The following NAPA variants were observed in gnomAD, a reference collection of about 807,000 sequenced individuals.
NAPA encodes the protein NSF attachment protein alpha, also known as alpha-soluble NSF attachment protein.
A neutral mutation model predicts 48.0 loss-of-function variants in NAPA; 18 were observed. That is an observed-to-expected ratio of 0.38 (90% CI 0.26 to 0.56). The LOEUF (loss-of-function observed/expected upper bound fraction) is 0.56. Among genes scored for constraint, NAPA ranks in the 20% least tolerant of loss-of-function variants. NAPA has a pLI of 0.77. For synonymous variants in NAPA, 152 were observed against 149.9 expected (o/e 1.01, Z -0.10); for missense variants, 315 against 385.0 (o/e 0.82, Z 1.52).
At chr19:47,486,925 A>T (rs1304704680), downstream of NAPA, among the ~76,000 whole-genome samples, 4 of 152,108 alleles carry the variant, frequency 2.6e-5, no homozygotes, top group African/African-American at 9.7e-5. Context: ...CCTCTGTGCA[A>T]TTACTGCCCC....
downstream of NAPA, among the ~76,000 whole-genome samples, chr19:47,484,676 A>G (rs549371618): frequency 6.6e-6 from 1 of 151,958 alleles, no homozygotes. Flanking sequence ...TCAGTACTGG[A>G]AACCAAACAA....
chr19:47,499,271 C>T (rs536731819), intron 3 of NAPA, among the ~76,000 whole-genome samples: 10 of 152,240 alleles, frequency 6.6e-5, no homozygotes, highest in Admixed American at 2.0e-4. Flanking sequence ...GGCAGCCTGG[C>T]GCTCAGTGTT....
intron 3 of NAPA, chr19:47,497,159 G>A (rs1011854532): frequency 5.6e-5 from 12 of 215,714 alleles, no homozygotes; most frequent in African/African-American, 2.3e-4. Context: ...GCCTTGCCCC[G>A]CCCCACCTGG....
In NAPA at chr19:47,493,789, G is replaced by C; in HGVS notation, c.343-296C>G. On this transcript the variant is annotated intron_variant, in intron 4 of 10. Transcript: ENST00000263354. This position sits in a 1 kb window ranked among gnomAD's most constrained non-coding sequence, Gnocchi z 6.4. ...AGGGCACAGATGGTGTGACACCAGAGAGAATGTGAGCACGAGCACTTGGCC... is the reference window on the plus strand; with the variant it reads ...AGGGCACAGATGGTGTGACACCAGACAGAATGTGAGCACGAGCACTTGGCC... 2.3e-6 allele frequency: 1 copy of C among 432,080 alleles called. No homozygotes were observed. Among genetic ancestry groups the C allele is most frequent in the Non-Finnish European group, 4.3e-6 (1 of 233,772 alleles). 26.8% of individuals were successfully genotyped at this position (432,080 alleles called of 1,614,324 possible).
Position 47,514,960 on chromosome 19 carries a change from A to T in NAPA, c.-20T>A. The T allele has an allele frequency of 1.2e-6, 2 of 1,612,156 alleles. No homozygotes were observed. Among genetic ancestry groups the T allele is most frequent in the Non-Finnish European group, 1.7e-6 (2 of 1,178,864 alleles). ...GTCCATGGCGGCCACAAAGGGACTCAGCAAAGCGCCTGACCCTGACCCTGG... is the reference window on the plus strand; with the variant it reads ...GTCCATGGCGGCCACAAAGGGACTCTGCAAAGCGCCTGACCCTGACCCTGG... On this transcript the variant is annotated 5_prime_UTR_variant, in exon 1 of 11. Coordinates refer to ENST00000263354, the MANE Select transcript of NAPA (RefSeq NM_003827.4).
At chr19:47,490,310 TGTGTGTGTA>T (rs1321591925) in intron 9 of NAPA, among the ~76,000 whole-genome samples, 4 of 114,086 alleles carry the variant, frequency 3.5e-5, no homozygotes, top group Non-Finnish European at 7.6e-5. Flanking sequence ...GGGTGTGTCG[TGTGTGTGTA>T]GTGTGTGTGC....
At chr19:47,499,560 G>A (rs963862545) in intron 3 of NAPA, among the ~76,000 whole-genome samples, 3 of 152,226 alleles carry the variant, frequency 2.0e-5, no homozygotes, top group Non-Finnish European at 4.4e-5. Flanking sequence ...GCTGCTCCTC[G>A]GCCTCTTGCC....
chr19:47,500,044 C>T (rs1968532666), intron 3 of NAPA, among the ~76,000 whole-genome samples: 1 of 152,192 alleles, frequency 6.6e-6, no homozygotes, highest in Non-Finnish European at 1.5e-5. Context: ...GGGAGGCACC[C>T]AGGGGGACAA....
At position 47,489,955 on chromosome 19, in the gene NAPA, G is replaced by C. The variant is rs563230197; in HGVS notation, c.736-194C>G. Among the ~76,000 whole-genome samples, 59 of 152,276 alleles carry C rather than the reference G, an allele frequency of 3.9e-4. 1 individual carries two copies. The South Asian group carries it at 9.3e-3, about 24-fold the overall frequency. The stretch of plus-strand genomic sequence containing the variant: ...TGCGATCCTGCTGCCCTATTCATCA[G>C]AAACGGCTTGCTCTCAGGGCAACCT... On this transcript the variant is annotated intron_variant, in intron 9 of 10. Coordinates refer to ENST00000263354, the MANE Select transcript of NAPA (RefSeq NM_003827.4).
At chr19:47,489,445 G>T in intron 10 of NAPA, 3 of 535,066 alleles carry the variant, frequency 5.6e-6, no homozygotes, top group African/African-American at 1.9e-5. Context: ...ATGTGGCTCT[G>T]AACACCAGCT....
chr19:47,515,022 C>G lies in NAPA; in HGVS notation c.-82G>C, dbSNP rs889208396. 2.4e-5 allele frequency: 33 copies of G among 1,380,922 alleles called. No homozygotes were observed. Among genetic ancestry groups the G allele is most frequent in the South Asian group, 9.9e-5 (8 of 81,216 alleles). The allele number at this position is 1,380,922 out of a possible 1,614,324, so 85.5% of individuals were successfully genotyped here. ...CGCGGCCGGGCCGCGGAACACAGAT[C>G]GGTAAAACTCGCCCGGCTGCGTTGA... On this transcript the variant is annotated 5_prime_UTR_variant, in exon 1 of 11. Transcript: ENST00000263354.
chr19:47,490,656 A>AAAACG lies in NAPA; in HGVS notation c.735+131_735+132insCGTTT, dbSNP rs1435035849. ...GGAGACTCAAATGGCCAAACAAAAC[A>AAAACG]AAACAAAACAAAACAAAACAAAGAC... On this transcript the variant is annotated intron_variant, in intron 9 of 10. Transcript: ENST00000263354. The AAAACG allele has an allele frequency of 2.0e-4, 151 of 750,852 alleles. No homozygotes were observed. The African/African-American group carries it at 2.3e-3, about 11-fold the overall frequency. 46.5% of individuals were successfully genotyped at this position (750,852 alleles called of 1,614,324 possible).
At chr19:47,490,084 G>A (rs1489072387) in intron 9 of NAPA, among the ~76,000 whole-genome samples, 1 of 148,230 alleles carries the variant, frequency 6.7e-6, no homozygotes, top group Non-Finnish European at 1.5e-5. Context: ...TGGTGTGTGT[G>A]TTGGGGTGTG....
chr19:47,490,892 C>T (rs1163016089), intron 8 of NAPA, 36 bp from the exon 9 acceptor site: 1 of 1,593,310 alleles, frequency 6.3e-7, no homozygotes, highest in Admixed American at 1.7e-5. Flanking sequence ...GAGTTAGTAA[C>T]AAGAGGGTCC....
chr19:47,502,702 G>A (rs1392444230), intron 2 of NAPA, among the ~76,000 whole-genome samples: 1 of 152,132 alleles, frequency 6.6e-6, no homozygotes, highest in East Asian at 1.9e-4. Context: ...GCCTCGAAAG[G>A]GCTCAACACA....
intron 9 of NAPA, 120 bp downstream of exon 9, chr19:47,490,668 A>AACAAC (rs1968240063): frequency 3.5e-6 from 3 of 853,530 alleles, no homozygotes; most frequent in Non-Finnish European, 5.4e-6. Flanking sequence ...AACAAAACAA[A>AACAAC]ACAAAACAAA....
chr19:47,492,799 G>A (rs1472369007), intron 7 of NAPA, 162 bp downstream of exon 7: 1 of 731,636 alleles, frequency 1.4e-6, no homozygotes, highest in Non-Finnish European at 2.4e-6. Context: ...ATTCAGCCAG[G>A]CTGAAGACAG....
intron 1 of NAPA, among the ~76,000 whole-genome samples, chr19:47,511,163 C>G (rs1352593331): frequency 3.3e-5 from 5 of 152,228 alleles, no homozygotes; most frequent in Non-Finnish European, 7.3e-5. Context: ...CAAGGACAAG[C>G]TGAGCCGCAA....
At chr19:47,510,524 C>T (rs900199307) in intron 1 of NAPA, among the ~76,000 whole-genome samples, 1 of 152,196 alleles carries the variant, frequency 6.6e-6, no homozygotes, top group Admixed American at 6.5e-5. Context: ...CTTAAAACCA[C>T]CTGAGGAAAC....
Sources: allele counts gnomAD v4.1 joint callset (sites outside exome capture counted in the v4.1 genomes callset), GRCh38; gene constraint gnomAD v4.1.1; non-coding constraint Gnocchi (gnomAD v3.1); transcripts MANE v1.5; gene names NCBI Gene and HGNC (gene_info 2026-07-23, HGNC 2026-07-21).